Variants in STX8 observed in about 807,000 individuals in gnomAD.
STX8 encodes the protein syntaxin-8.
In STX8, 23 loss-of-function variants were observed where a neutral mutation model predicts 37.5. The ratio of observed to expected loss-of-function variants is 0.61; its 90% CI spans 0.44 to 0.87. The LOEUF (loss-of-function observed/expected upper bound fraction) is 0.87. STX8 is among the 40% of genes least tolerant of loss of function. STX8 has a pLI of 0.00. For missense variants in STX8, 313 were observed against 284.7 expected (o/e 1.10, Z -0.71); for synonymous variants, 115 against 99.1 (o/e 1.16, Z -0.95).
chr17:9,297,186 T>C (rs1311821214), intron 7 of STX8, among the ~76,000 whole-genome samples: 1 of 150,112 alleles, frequency 6.7e-6, no homozygotes, highest in Non-Finnish European at 1.5e-5. Flanking sequence ...GATGTAGAGA[T>C]GTTCAAACCT....
chr17:9,497,048 C>G (rs1461891348), intron 5 of STX8, among the ~76,000 whole-genome samples: 3 of 151,988 alleles, frequency 2.0e-5, no homozygotes, highest in African/African-American at 7.3e-5. Context: ...TTTAAAAATC[C>G]CCTTGAAACC....
At chr17:9,570,993 C>T (rs543148608) in intron 1 of STX8, among the ~76,000 whole-genome samples, 45 of 151,948 alleles carry the variant, frequency 3.0e-4, no homozygotes, top group Non-Finnish European at 4.7e-4. Context: ...CATTTGGCTG[C>T]GTGGTGGCCC....
intron 6 of STX8, among the ~76,000 whole-genome samples, chr17:9,406,594 T>G (rs1279309769): frequency 6.6e-6 from 1 of 152,228 alleles, no homozygotes; most frequent in African/African-American, 2.4e-5. Flanking sequence ...TGATCTGTGT[T>G]TGTGTGCATC....
At chr17:9,338,748 C>G (rs757543076) in intron 7 of STX8, among the ~76,000 whole-genome samples, 21 of 152,142 alleles carry the variant, frequency 1.4e-4, no homozygotes, top group Non-Finnish European at 2.2e-4. Flanking sequence ...ATCGGTATCT[C>G]TGTGTGTGGG....
At chr17:9,373,102 C>T (rs1317911726) in intron 7 of STX8, among the ~76,000 whole-genome samples, 2 of 132,760 alleles carry the variant, frequency 1.5e-5, no homozygotes, top group African/African-American at 6.3e-5. Context: ...AAGAAGACTC[C>T]ATCTCAAAAA....
chr17:9,379,016 G>A (rs1356816199), intron 6 of STX8, among the ~76,000 whole-genome samples: 3 of 151,986 alleles, frequency 2.0e-5, no homozygotes, highest in African/African-American at 7.3e-5. Context: ...AGGCTGAGGA[G>A]GGAGGATTGC....
chr17:9,558,752 G>T (rs1159313916), intron 2 of STX8, among the ~76,000 whole-genome samples: 1 of 152,116 alleles, frequency 6.6e-6, no homozygotes, highest in Non-Finnish European at 1.5e-5. Context: ...GAACCCTGGA[G>T]GCGGAGCTTG....
chr17:9,331,290 C>T (rs556574673), intron 7 of STX8, among the ~76,000 whole-genome samples: 1 of 152,308 alleles, frequency 6.6e-6, no homozygotes, highest in East Asian at 1.9e-4. Context: ...ATTGCCTTTT[C>T]AGAAATGTGA....
intron 6 of STX8, among the ~76,000 whole-genome samples, chr17:9,400,294 G>A (rs1222956811): frequency 6.6e-6 from 1 of 151,800 alleles, no homozygotes; most frequent in Non-Finnish European, 1.5e-5. Flanking sequence ...AATAGAGACG[G>A]GATTCACCGT....
chr17:9,400,102 TA>T (rs1237038392), intron 6 of STX8, among the ~76,000 whole-genome samples: 1 of 106,280 alleles, frequency 9.4e-6, no homozygotes, highest in African/African-American at 3.8e-5. Flanking sequence ...AATTTGTTGT[TA>T]TTATTTTTTT....
intron 7 of STX8, among the ~76,000 whole-genome samples, chr17:9,328,946 A>G (rs1056700215): frequency 1.4e-5 from 2 of 147,478 alleles, no homozygotes; most frequent in Non-Finnish European, 3.0e-5. Context: ...GCTAGTCAGG[A>G]GTCTGAGGCA....
chr17:9,401,969 G>T (rs1434346394), intron 6 of STX8, among the ~76,000 whole-genome samples: 1 of 152,158 alleles, frequency 6.6e-6, no homozygotes, highest in Non-Finnish European at 1.5e-5. Flanking sequence ...GGGGGGATGT[G>T]AAGGGAAGAG....
chr17:9,506,407 TCCCCCCCC>T, intron 4 of STX8, among the ~76,000 whole-genome samples: 1 of 39,360 alleles, frequency 2.5e-5, no homozygotes, highest in African/African-American at 8.6e-5. Context: ...GCTCACCCGC[TCCCCCCCC>T]CCCCCACCCA....
chr17:9,359,503 AT>A (rs145808683), intron 7 of STX8, among the ~76,000 whole-genome samples: 7,136 of 91,760 alleles, frequency 0.078, 146 homozygotes, highest in Non-Finnish European at 0.12. Flanking sequence ...GCTGAGACAT[AT>A]TTTTTTTTTT....
chr17:9,325,276 T>C (rs960047681), intron 7 of STX8, among the ~76,000 whole-genome samples: 23 of 152,202 alleles, frequency 1.5e-4, no homozygotes, highest in African/African-American at 5.5e-4. Context: ...TCTGTAATTA[T>C]AGTTATACCT....
chr17:9,269,888 C>T (rs149538374), intron 7 of STX8, among the ~76,000 whole-genome samples: 79 of 152,178 alleles, frequency 5.2e-4, no homozygotes, highest in Admixed American at 1.1e-3. Flanking sequence ...TGAAAACACC[C>T]GCTCCTCAGG....
At chr17:9,526,777 G>T (rs1905587277) in intron 4 of STX8, among the ~76,000 whole-genome samples, 2 of 151,996 alleles carry the variant, frequency 1.3e-5, no homozygotes, top group South Asian at 4.2e-4. Flanking sequence ...GGCTGAGGCA[G>T]GAGAATCGCT....
Position 9,505,130 on chromosome 17 carries a change from C to T in STX8, c.356G>A (p.Gly119Glu), listed in dbSNP as rs909527831. 6.2e-7 allele frequency: 1 copy of T among 1,614,018 alleles called. No homozygotes were observed. Among genetic ancestry groups the T allele is most frequent in the South Asian group, 1.1e-5 (1 of 91,072 alleles). ...CTCAAAGAGCCAAGGGTTGGGTGCT[C>T]CTCGCTTAGCCTCTTCACTCATCAG... ...SSLMSEEAKR[G>E]APNPWLFEEP... is the part of the protein sequence containing the mutation. Residue 119 changes from glycine to glutamate, a missense_variant, in exon 5 of 8, where the codon GGA becomes GAA. Physicochemically the swap from Gly to Glu is moderately conservative, Grantham distance 98. Transcript: ENST00000306357.
At chr17:9,344,656 C>T (rs1347394993) in intron 7 of STX8, among the ~76,000 whole-genome samples, 1 of 152,192 alleles carries the variant, frequency 6.6e-6, no homozygotes, top group Non-Finnish European at 1.5e-5. Flanking sequence ...CAAAGATGCA[C>T]AATGCCACCT....
Sources: gnomAD v4.1 joint callset for allele counts (sites outside exome capture counted in the v4.1 genomes callset) on GRCh38, gnomAD v4.1.1 for gene constraint, MANE v1.5 for transcripts, NCBI Gene and HGNC (gene_info 2026-07-23, HGNC 2026-07-21) for gene names.